Variants in ANTXR2 observed in about 807,000 individuals in gnomAD.
ANTXR2 encodes anthrax toxin receptor 2.
Under a neutral mutation model 73.7 loss-of-function variants are expected in ANTXR2, and 44 were observed. That is an observed-to-expected ratio of 0.60 (90% CI 0.47 to 0.77). ANTXR2 has a LOEUF of 0.77. Ranked by LOEUF, ANTXR2 falls within the 30% of genes least tolerant of loss-of-function variation. The pLI, the probability that ANTXR2 is intolerant of heterozygous loss-of-function variation, is 0.00. For missense variants in ANTXR2, 604 were observed against 592.5 expected (o/e 1.02, Z -0.20); for synonymous variants, 217 against 205.9 (o/e 1.05, Z -0.46).
intron 3 of ANTXR2, among the ~76,000 whole-genome samples, chr4:80,066,846 C>G (rs987858705): frequency 6.6e-6 from 1 of 152,142 alleles, no homozygotes; most frequent in African/African-American, 2.4e-5. Flanking sequence ...AGGATTTACA[C>G]GCAGGTAGAT....
At chr4:80,057,855 T>A (rs969120899) in intron 3 of ANTXR2, among the ~76,000 whole-genome samples, 1 of 152,062 alleles carries the variant, frequency 6.6e-6, no homozygotes, top group Non-Finnish European at 1.5e-5. Flanking sequence ...CTTATTATAA[T>A]GTCATTTGCA....
At chr4:79,985,010 C>T in intron 12 of ANTXR2, 147 bp from the exon 13 acceptor site, 1 of 677,532 alleles carries the variant, frequency 1.5e-6, no homozygotes, top group Non-Finnish European at 2.5e-6. Flanking sequence ...ATGCCCCTCT[C>T]TTTGAATCTT....
At chr4:79,955,228 A>T (rs1275292552) in intron 16 of ANTXR2, among the ~76,000 whole-genome samples, 1 of 152,126 alleles carries the variant, frequency 6.6e-6, no homozygotes, top group Non-Finnish European at 1.5e-5. Context: ...AAATATACAG[A>T]GCTCTTAAAA....
chr4:80,008,596 G>T lies in ANTXR2; in HGVS notation c.966C>A (p.Ile322=). 23 of 1,603,534 alleles carry T rather than the reference G, an allele frequency of 1.4e-5. No homozygotes were observed. Among genetic ancestry groups the T allele is most frequent in the Non-Finnish European group, 1.9e-5 (22 of 1,176,102 alleles). ...GTAGCAGTAACACCAAAATAACAAT[G>T]ATGGCTGCGATCCCGTTAGACTAAA... ...ATECSNGIAA[I]IVILVLLLLL... Residue 322 remains isoleucine (I), a synonymous_variant, in exon 12 of 17, where the codon ATC becomes ATA. Coordinates refer to ENST00000403729, the MANE Select transcript of ANTXR2 (RefSeq NM_058172.6).
chr4:79,935,102 A>T (rs553949057), intron 16 of ANTXR2, among the ~76,000 whole-genome samples: 2 of 152,176 alleles, frequency 1.3e-5, no homozygotes, highest in African/African-American at 4.8e-5. Flanking sequence ...AAAAAAAAAA[A>T]CAACTGAATA....
intron 3 of ANTXR2, among the ~76,000 whole-genome samples, chr4:80,056,543 C>T (rs1734002881): frequency 6.6e-6 from 1 of 151,850 alleles, no homozygotes; most frequent in Admixed American, 6.6e-5. Context: ...ACTTTTATGA[C>T]ACCTTCTCAC....
At chr4:80,031,075 C>A (rs1032615584) in intron 10 of ANTXR2, among the ~76,000 whole-genome samples, 9 of 151,846 alleles carry the variant, frequency 5.9e-5, no homozygotes, top group Admixed American at 5.9e-4. Context: ...TTTTTGGCCA[C>A]ACAAAAGAAG....
chr4:79,937,555 T>C (rs1444319230), intron 16 of ANTXR2, among the ~76,000 whole-genome samples: 1 of 152,208 alleles, frequency 6.6e-6, no homozygotes, highest in Non-Finnish European at 1.5e-5. Context: ...TCAGGGTATA[T>C]AGTACCATAC....
intron 12 of ANTXR2, among the ~76,000 whole-genome samples, chr4:79,998,348 A>T (rs1730835967): frequency 1.3e-5 from 2 of 152,182 alleles, no homozygotes; most frequent in East Asian, 1.9e-4. Context: ...TTGGCCAAGG[A>T]CACTAAAGCA....
At chr4:80,071,993 C>T (rs1339804418) in intron 1 of ANTXR2, among the ~76,000 whole-genome samples, 2 of 152,176 alleles carry the variant, frequency 1.3e-5, no homozygotes, top group Non-Finnish European at 2.9e-5. Flanking sequence ...GGCATGTTAA[C>T]CCTAGGCTTT....
At chr4:79,909,001 A>C (rs1399955142) in intron 16 of ANTXR2, among the ~76,000 whole-genome samples, 1 of 152,210 alleles carries the variant, frequency 6.6e-6, no homozygotes, top group Non-Finnish European at 1.5e-5. Flanking sequence ...ATGACATCAT[A>C]CATAAATAAT....
chr4:80,040,763 TACACACAC>T (rs67089731), intron 7 of ANTXR2, among the ~76,000 whole-genome samples: 1 of 150,136 alleles, frequency 6.7e-6, no homozygotes, highest in Non-Finnish European at 1.5e-5. Context: ...CACACACACA[TACACACAC>T]ACACACACAC....
rs767239468 is a variant in ANTXR2, at chr4:79,937,030, C to A, written c.1429-29563G>T. The stretch of plus-strand genomic sequence containing the variant: ...GCATTTTTCATTTTAATCTTTGTTG[C>A]AAAGAAGAAAAATGTATTAATAATT... On this transcript the variant is annotated intron_variant, in intron 16 of 16. Coordinates refer to ENST00000403729, the MANE Select transcript of ANTXR2 (RefSeq NM_058172.6). Among the ~76,000 whole-genome samples, 95 of 149,612 alleles carry A rather than the reference C, an allele frequency of 6.3e-4. 1 individual carries two copies. The Middle Eastern group carries it at 0.01, about 16-fold the overall frequency.
chr4:79,916,401 A>C (rs1429808818), intron 16 of ANTXR2, among the ~76,000 whole-genome samples: 4 of 152,136 alleles, frequency 2.6e-5, no homozygotes, highest in Non-Finnish European at 4.4e-5. Flanking sequence ...ATAGATATAG[A>C]TATAATCAGG....
At chr4:80,000,982 T>A (rs1182149450) in intron 12 of ANTXR2, among the ~76,000 whole-genome samples, 2 of 152,184 alleles carry the variant, frequency 1.3e-5, no homozygotes, top group Middle Eastern at 3.4e-3. Flanking sequence ...ATAACATATA[T>A]GCGTGAGGCA....
chr4:79,912,574 C>T (rs1282049815), intron 16 of ANTXR2, among the ~76,000 whole-genome samples: 1 of 151,936 alleles, frequency 6.6e-6, no homozygotes, highest in African/African-American at 2.4e-5. Context: ...TTGTGCATTG[C>T]TAGTGGAAGT....
At chr4:79,986,639 A>G (rs1730176806) in intron 12 of ANTXR2, among the ~76,000 whole-genome samples, 1 of 152,042 alleles carries the variant, frequency 6.6e-6, no homozygotes, top group Non-Finnish European at 1.5e-5. Context: ...TCTGCACCTC[A>G]CACCATCGCC....
At chr4:79,929,746 G>A (rs1727986501) in intron 16 of ANTXR2, among the ~76,000 whole-genome samples, 1 of 143,728 alleles carries the variant, frequency 7.0e-6, no homozygotes, top group Non-Finnish European at 1.5e-5. Context: ...ACAAAAAAAA[G>A]TAAAGCAGGG....
chr4:80,065,981 A>G (rs374684744), intron 3 of ANTXR2, among the ~76,000 whole-genome samples: 1 of 152,190 alleles, frequency 6.6e-6, no homozygotes, highest in African/African-American at 2.4e-5. Flanking sequence ...TGAAACAAAG[A>G]TTCACAATAG....
Sources: gnomAD v4.1 joint callset for allele counts (sites outside exome capture counted in the v4.1 genomes callset) on GRCh38, gnomAD v4.1.1 for gene constraint, MANE v1.5 for transcripts, NCBI Gene and HGNC (gene_info 2026-07-23, HGNC 2026-07-21) for gene names.